The following ERN1 variants were observed in gnomAD, a reference collection of about 807,000 sequenced individuals.
ERN1 encodes the protein endoplasmic reticulum to nucleus signaling 1.
A neutral mutation model predicts 113.1 loss-of-function variants in ERN1; 39 were observed. The observed-to-expected ratio is 0.34, with a 90% CI of 0.27 to 0.45. The LOEUF is 0.45. Ranked by LOEUF, ERN1 falls within the 20% of genes least tolerant of loss-of-function variation. The probability of loss-of-function intolerance (pLI) is 1.00; values close to 1 mark genes in which losing one functional copy is unlikely to be tolerated. For missense variants in ERN1, 976 were observed against 1,274.8 expected, an observed-to-expected ratio of 0.77 and a Z score of 3.57; for synonymous variants, 507 against 515.9, an observed-to-expected ratio of 0.98 and a Z score of 0.23.
chr17:64,068,246 C>T lies in ERN1; in HGVS notation c.524G>A (p.Trp175Ter). The change falls in exon 7 of 22, where the codon TGG becomes TAG. Residue 175 changes from tryptophan (W) to a stop codon, truncating the protein, a stop_gained. Coordinates refer to ENST00000433197, the MANE Select transcript of ERN1 (RefSeq NM_001433.5). LOFTEE classifies it high-confidence loss of function. The stretch of plus-strand genomic sequence containing the variant: ...CGCATAGTCAAAGTAGGTGGCATTC[C>T]ACCGGAGCTCTCGGGTTTTGGTGTC... ...MYDTKTRELR[W>*]NATYFDYAAS... 4 of 1,612,876 alleles carry T rather than the reference C, an allele frequency of 2.5e-6. No homozygotes were observed. Among genetic ancestry groups the T allele is most frequent in the Non-Finnish European group, 3.4e-6 (4 of 1,179,486 alleles).
intron 16 of ERN1, 94 bp downstream of exon 16, chr17:64,053,178 A>G: frequency 9.1e-7 from 1 of 1,096,816 alleles, no homozygotes; most frequent in South Asian, 1.6e-5. Flanking sequence ...GAGCTTGAAC[A>G]GAAGCAAGGC....
intron 2 of ERN1, among the ~76,000 whole-genome samples, chr17:64,087,121 T>C (rs965862004): frequency 6.6e-6 from 1 of 152,208 alleles, no homozygotes; most frequent in Non-Finnish European, 1.5e-5. Flanking sequence ...AAGCTGGCTT[T>C]GTAGGTAGAG....
In ERN1 at chr17:64,057,837, T is replaced by A; in HGVS notation, c.1363A>T (p.Ile455Phe). ...ATIILSTFLL[I>F]GWVAFIITYP... Reference sequence around the variant, plus strand: ...GTGATGATGAAGGCCACCCAGCCAATCAGCAGGAAGGTGCTCAGGATGATG... The same window carrying A: ...GTGATGATGAAGGCCACCCAGCCAAACAGCAGGAAGGTGCTCAGGATGATG... Residue 455 changes from isoleucine to phenylalanine, a missense_variant, in exon 12 of 22, where the codon ATT becomes TTT. Ile to Phe is a conservative substitution (Grantham distance 21). This residue lies in a region of ERN1 where 459 missense variants were observed against 581.2 expected (regional missense o/e 0.79). Coordinates refer to ENST00000433197, the MANE Select transcript of ERN1 (RefSeq NM_001433.5). 1.2e-6 allele frequency: 2 copies of A among 1,613,908 alleles called. No homozygotes were observed. Among genetic ancestry groups the A allele is most frequent in the Non-Finnish European group, 1.7e-6 (2 of 1,179,884 alleles).
Position 64,054,427 on chromosome 17 carries a change from G to T in ERN1, c.1776C>A (p.Asp592Glu), listed in dbSNP as rs1438226844. 6.4e-7 allele frequency: 1 copy of T among 1,564,302 alleles called. No homozygotes were observed. The highest frequency in any genetic ancestry group is 2.4e-5 in the East Asian group (1 of 41,818). The change falls in exon 15 of 22, where the codon GAC becomes GAA. Residue 592 changes from aspartate (D) to glutamate (E), a missense_variant. Around this residue, in one of 5 missense-constraint regions of ERN1, gnomAD observed 297 missense variants for 457.8 expected, o/e 0.65. Coordinates refer to ENST00000433197, the MANE Select transcript of ERN1 (RefSeq NM_001433.5). This position sits in a 1 kb window ranked among gnomAD's most constrained non-coding sequence, Gnocchi z 4.9. ...TCCTCTTCACGGCCACGTCGCGGTT[G>T]TCAAACATGCCCCTGCGGGATGAGG... The part of the protein sequence containing the change: ...EGTIVYRGMF[D>E]NRDVAVKRIL...
At chr17:64,071,756 A>G (rs920171384) in intron 6 of ERN1, among the ~76,000 whole-genome samples, 3 of 152,168 alleles carry the variant, frequency 2.0e-5, no homozygotes, top group Admixed American at 2.0e-4. Flanking sequence ...GAGGCGAGAA[A>G]GGTGGCAGCG....
intron 6 of ERN1, 75 bp from the exon 7 acceptor site, chr17:64,068,366 T>C: frequency 6.5e-6 from 7 of 1,078,892 alleles, no homozygotes; most frequent in Non-Finnish European, 9.8e-6. Flanking sequence ...CCTTATCTAA[T>C]TATAACAAAC....
At chr17:64,114,738 G>T (rs946866331) in intron 1 of ERN1, among the ~76,000 whole-genome samples, 3 of 152,048 alleles carry the variant, frequency 2.0e-5, no homozygotes, top group African/African-American at 7.3e-5. Context: ...TCTCCCTAAG[G>T]TGAGGCGTGT....
Position 64,044,814 on chromosome 17 carries a change from T to A in ERN1, c.2721+46A>T, listed in dbSNP as rs114005448. ...ATGGATGAAAGGAGGAAGGTGTCCATGTCATGGCCACTGGGTCTCCTCCCC... is the reference window on the plus strand; with the variant it reads ...ATGGATGAAAGGAGGAAGGTGTCCAAGTCATGGCCACTGGGTCTCCTCCCC... On this transcript the variant is annotated intron_variant, in intron 21 of 21. Coordinates refer to ENST00000433197, the MANE Select transcript of ERN1 (RefSeq NM_001433.5). The surrounding 1 kb of genome is among the most constrained non-coding windows in gnomAD (Gnocchi z 4.1). The A allele has an allele frequency of 6.1e-4, 720 of 1,178,268 alleles. 8 individuals carry two copies. In the African/African-American group the frequency reaches 9.7e-3, roughly 16 times the overall value. 73.0% of individuals were successfully genotyped at this position (1,178,268 alleles called of 1,614,324 possible).
intron 16 of ERN1, 100 bp downstream of exon 16, chr17:64,053,172 T>C (rs1172741165): frequency 1.9e-6 from 2 of 1,046,670 alleles, no homozygotes; most frequent in African/African-American, 1.6e-5. Flanking sequence ...AGCCAAGAGC[T>C]TGAACAGAAG....
rs1440096309 is a variant in ERN1, at chr17:64,042,636, C to CAA, written c.*1350_*1351dup. 6.6e-6 allele frequency: 1 copy of CAA among 151,760 alleles called. No individual in the cohort carries two copies. The highest frequency in any genetic ancestry group is 1.5e-5 in the Non-Finnish European group (1 of 67,958). 9.4% of individuals were successfully genotyped at this position (151,760 alleles called of 1,614,324 possible). A position where few individuals can be genotyped will look rare whatever the true frequency, so the allele number is the denominator to read the frequency against. ...TCTAAGGCTCTCGGGAGAGAAAAGA[C>CAA]AAAGTTTTGACTGAAACTAAAGCTA... On this transcript the variant is annotated 3_prime_UTR_variant, in exon 22 of 22. Transcript: ENST00000433197.
Position 64,080,676 on chromosome 17 carries a change from C to T in ERN1, c.209+99G>A, listed in dbSNP as rs559353834. ...ATGTCACTCACTGTTATTCCTCAAA[C>T]TTACACATATATGCACTCCCAGCAA... On this transcript the variant is annotated intron_variant, in intron 3 of 21. Transcript: ENST00000433197. The T allele has an allele frequency of 7.3e-6, 8 of 1,101,724 alleles. No homozygotes were observed. The South Asian group carries it at 9.8e-5, about 13-fold the overall frequency. 68.2% of individuals were successfully genotyped at this position (1,101,724 alleles called of 1,614,324 possible).
At position 64,047,854 on chromosome 17, in the gene ERN1, C is replaced by T. The variant is rs759696684; in HGVS notation, c.2529+4G>A. 2.5e-6 allele frequency: 4 copies of T among 1,605,934 alleles called. No homozygotes were observed. In the Admixed American group the frequency reaches 5.1e-5, roughly 20 times the overall value. On this transcript the variant is annotated splice_donor_region_variant and intron_variant, in intron 19 of 21. Coordinates refer to ENST00000433197, the MANE Select transcript of ERN1 (RefSeq NM_001433.5). Reference sequence around the variant, plus strand: ...CTCTGGATAAAGAGAACAGACGTCTCTACCTGGAAGAACTGGAGCTGCTTC... The same window carrying T: ...CTCTGGATAAAGAGAACAGACGTCTTTACCTGGAAGAACTGGAGCTGCTTC...
At chr17:64,068,742 C>T (rs757948773) in intron 6 of ERN1, among the ~76,000 whole-genome samples, 6 of 152,134 alleles carry the variant, frequency 3.9e-5, no homozygotes, top group Non-Finnish European at 8.8e-5. Context: ...TGGAGACTTG[C>T]TAGTGCAGAG....
chr17:64,113,622 G>A (rs947243624), intron 1 of ERN1, among the ~76,000 whole-genome samples: 1 of 149,168 alleles, frequency 6.7e-6, no homozygotes. Flanking sequence ...CAATTTTCCC[G>A]CCTCAGCCTC....
intron 1 of ERN1, among the ~76,000 whole-genome samples, chr17:64,103,496 CA>C (rs11303108): frequency 0.095 from 5,887 of 62,242 alleles, 330 homozygotes; most frequent in African/African-American, 0.26. Context: ...GACTCCATCT[CA>C]AAAAAAAAAA....
intron 2 of ERN1, among the ~76,000 whole-genome samples, chr17:64,086,046 CAT>C (rs1291754467): frequency 6.6e-6 from 1 of 152,214 alleles, no homozygotes; most frequent in Non-Finnish European, 1.5e-5. Flanking sequence ...TCTTCACACT[CAT>C]AGATTTTTCA....
chr17:64,062,706 T>C (rs370117060), intron 10 of ERN1, among the ~76,000 whole-genome samples: 114 of 152,346 alleles, frequency 7.5e-4, no homozygotes, highest in African/African-American at 2.5e-3. Context: ...AACTGGCACA[T>C]AATGCTGAGC....
chr17:64,114,923 T>C (rs2143490364), intron 1 of ERN1, among the ~76,000 whole-genome samples: 1 of 152,190 alleles, frequency 6.6e-6, no homozygotes, highest in Non-Finnish European at 1.5e-5. Context: ...AAATGTGGCC[T>C]TCAGAACAAA....
intron 4 of ERN1, 150 bp from the exon 5 acceptor site, chr17:64,075,397 A>T (rs952998162): frequency 4.6e-6 from 3 of 648,130 alleles, no homozygotes; most frequent in Non-Finnish European, 7.7e-6. Flanking sequence ...AATACAAAGG[A>T]GAAGGGGGCA....
Sources: allele counts gnomAD v4.1 joint callset (sites outside exome capture counted in the v4.1 genomes callset), GRCh38; gene constraint gnomAD v4.1.1; regional missense constraint gnomAD v4.1.1; non-coding constraint Gnocchi (gnomAD v3.1); transcripts MANE v1.5; gene names NCBI Gene and HGNC (gene_info 2026-07-23, HGNC 2026-07-21).